The following GIP variants were observed in gnomAD, a reference collection of about 807,000 sequenced individuals.
GIP encodes the protein glucose-dependent insulinotropic polypeptide.
In GIP, 16 loss-of-function variants were observed where a neutral mutation model predicts 18.1. The ratio of observed to expected loss-of-function variants is 0.88; its 90% confidence interval spans 0.60 to 1.34. The LOEUF is 1.34. GIP is among the 40% of genes most tolerant of loss of function. GIP has a pLI of 0.00. For synonymous variants in GIP, 76 were observed against 74.0 expected, an observed-to-expected ratio of 1.03 and a Z score of -0.14; for missense variants, 192 against 183.4, an observed-to-expected ratio of 1.05 and a Z score of -0.27.
chr17:48,964,585 C>T (rs1433906549), intron 2 of GIP, 105 bp from the exon 3 acceptor site: 4 of 976,270 alleles, frequency 4.1e-6, no homozygotes, highest in Non-Finnish European at 6.2e-6. Flanking sequence ...ACAAACCAGT[C>T]CGTTTTTATG....
At chr17:48,967,020 T>TG in intron 2 of GIP, 127 bp downstream of exon 2, 1 of 683,486 alleles carries the variant, frequency 1.5e-6, no homozygotes, top group Admixed American at 2.4e-5. Flanking sequence ...CGGCAGGTAT[T>TG]TCCCTGGAGC....
chr17:48,963,032 G>A (rs916638761), intron 3 of GIP, among the ~76,000 whole-genome samples: 7 of 151,598 alleles, frequency 4.6e-5, no homozygotes, highest in Non-Finnish European at 1.0e-4. Flanking sequence ...ACGTGAACCC[G>A]GGAGGCGGAG....
intron 2 of GIP, among the ~76,000 whole-genome samples, chr17:48,966,041 C>T (rs2041234274): frequency 6.6e-6 from 1 of 151,852 alleles, no homozygotes; most frequent in Admixed American, 6.6e-5. Flanking sequence ...AGGTGGATCA[C>T]GAGGTCAGGA....
chr17:48,967,868 AT>A (rs1418064616), intron 1 of GIP, among the ~76,000 whole-genome samples: 1 of 151,444 alleles, frequency 6.6e-6, no homozygotes, highest in African/African-American at 2.4e-5. Context: ...CCTGGCCAAT[AT>A]GGTGAAATCC....
chr17:48,963,494 GA>G (rs34922855), intron 3 of GIP, among the ~76,000 whole-genome samples: 2,022 of 129,392 alleles, frequency 0.016, 39 homozygotes, highest in East Asian at 0.048. Flanking sequence ...TGTCTCTACT[GA>G]AAAAAAAAAA....
intron 1 of GIP, 71 bp from the exon 2 acceptor site, chr17:48,967,324 A>G (rs2041240430): frequency 2.0e-6 from 2 of 1,001,566 alleles, no homozygotes; most frequent in Admixed American, 3.5e-5. Context: ...GAGAGGGGCA[A>G]AGCCCTGAGG....
intron 1 of GIP, 109 bp from the exon 2 acceptor site, chr17:48,967,362 T>TC (rs1267328106): frequency 1.4e-4 from 24 of 171,264 alleles, no homozygotes; most frequent in African/African-American, 5.4e-4. Flanking sequence ...CCTTTTTCTT[T>TC]TTTTTTTTTT....
At chr17:48,963,860 A>AG (rs1306207701) in intron 3 of GIP, among the ~76,000 whole-genome samples, 8 of 147,404 alleles carry the variant, frequency 5.4e-5, no homozygotes, top group Non-Finnish European at 1.2e-4. Context: ...AAAAAAAAAA[A>AG]AAAGAGAGAG....
At chr17:48,966,370 A>G (rs1001785420) in intron 2 of GIP, among the ~76,000 whole-genome samples, 2 of 151,764 alleles carry the variant, frequency 1.3e-5, no homozygotes, top group Admixed American at 1.3e-4. Context: ...AGCCTGACCA[A>G]CATAGTGAAA....
chr17:48,967,318 G>C, intron 1 of GIP, 65 bp from the exon 2 acceptor site: 1 of 1,051,428 alleles, frequency 9.5e-7, no homozygotes, highest in Non-Finnish European at 1.5e-6. Flanking sequence ...AAGCTGGAGA[G>C]GGGCAAAGCC....
intron 3 of GIP, 23 bp downstream of exon 3, chr17:48,964,285 AGG>A (rs2041220800): frequency 6.3e-7 from 1 of 1,599,382 alleles, no homozygotes. Flanking sequence ...CACAGGGAAC[AGG>A]AGGAGTGTAA....
At chr17:48,965,323 G>A (rs1192965797) in intron 2 of GIP, among the ~76,000 whole-genome samples, 2 of 124,366 alleles carry the variant, frequency 1.6e-5, no homozygotes, top group African/African-American at 5.9e-5. Flanking sequence ...AAAAAAAAAA[G>A]GCTGGGTGCG....
intron 4 of GIP, among the ~76,000 whole-genome samples, 193 bp downstream of exon 4, chr17:48,961,533 TC>T (rs2041200409): frequency 6.6e-6 from 1 of 152,134 alleles, no homozygotes; most frequent in Admixed American, 6.6e-5. Flanking sequence ...CCCTCCCGTT[TC>T]TCCAAGGCTT....
intron 2 of GIP, among the ~76,000 whole-genome samples, chr17:48,966,255 T>TAAA (rs35523625): frequency 2.4e-5 from 3 of 123,338 alleles, no homozygotes. Context: ...AGACTCCAAT[T>TAAA]AAAAAAAAAA....
intron 2 of GIP, among the ~76,000 whole-genome samples, chr17:48,965,370 C>T (rs1265487149): frequency 6.7e-6 from 1 of 148,220 alleles, no homozygotes; most frequent in Non-Finnish European, 1.5e-5. Context: ...TCTGGGAGGC[C>T]AAGGTGGGTG....
At chr17:48,961,388 C>T (rs961322144) in intron 4 of GIP, among the ~76,000 whole-genome samples, 5 of 152,124 alleles carry the variant, frequency 3.3e-5, no homozygotes, top group South Asian at 2.1e-4. Context: ...ACAGTCTTCC[C>T]GAGGTTTGGC....
At chr17:48,964,755 G>A (rs4794006) in intron 2 of GIP, among the ~76,000 whole-genome samples, 66,895 of 151,954 alleles carry the variant, frequency 0.44, 17,125 homozygotes, top group East Asian at 0.71. Context: ...CAACACTTTG[G>A]GAGGCCAAGG....
At chr17:48,962,231 A>G (rs1483597762) in intron 3 of GIP, among the ~76,000 whole-genome samples, 1 of 151,970 alleles carries the variant, frequency 6.6e-6, no homozygotes, top group Non-Finnish European at 1.5e-5. Flanking sequence ...CACCACACCC[A>G]GCTGATTTTT....
At chr17:48,967,484 C>T (rs1395646070) in intron 1 of GIP, among the ~76,000 whole-genome samples, 6 of 151,246 alleles carry the variant, frequency 4.0e-5, no homozygotes, top group East Asian at 2.0e-4. Flanking sequence ...CTCAGCCTCT[C>T]GAGTAGCCTG....
Sources: allele counts gnomAD v4.1 joint callset (sites outside exome capture counted in the v4.1 genomes callset), GRCh38; gene constraint gnomAD v4.1.1; transcripts MANE v1.5; gene names NCBI Gene and HGNC (gene_info 2026-07-23, HGNC 2026-07-21).